Variants in CFAP57 observed in about 807,000 individuals in gnomAD.
CFAP57 encodes cilia and flagella associated protein 57.
In CFAP57, 116 loss-of-function variants were observed where a neutral mutation model predicts 146.8. That is an observed-to-expected ratio of 0.79 (90% confidence interval 0.68 to 0.92). CFAP57 has a LOEUF of 0.92. Ranked by LOEUF, CFAP57 falls within the 40% of genes least tolerant of loss-of-function variation. The probability of loss-of-function intolerance (pLI) is 0.00; values close to 1 mark genes in which losing one functional copy is unlikely to be tolerated. For missense variants in CFAP57, 1,377 were observed against 1,527.2 expected (o/e 0.90, Z 1.64); for synonymous variants, 518 against 552.8 (o/e 0.94, Z 0.88).
chr1:43,178,385 C>G (rs557580163), intron 2 of CFAP57, among the ~76,000 whole-genome samples: 4 of 152,138 alleles, frequency 2.6e-5, no homozygotes, highest in African/African-American at 4.8e-5. Flanking sequence ...TTGCAATCTA[C>G]TCATCTGACA....
chr1:43,251,818 C>T (rs778391260), intron 22 of CFAP57, among the ~76,000 whole-genome samples: 3 of 152,156 alleles, frequency 2.0e-5, no homozygotes, highest in African/African-American at 4.8e-5. Flanking sequence ...GCTAAATCCT[C>T]GTCTTTCATA....
Position 43,224,035 on chromosome 1 carries a change from C to T in CFAP57, c.2707-11C>T, listed in dbSNP as rs774318811. 2.3e-5 allele frequency: 35 copies of T among 1,549,952 alleles called. No individual in the cohort carries two copies. Among genetic ancestry groups the T allele is most frequent in the South Asian group, 1.9e-4 (16 of 83,976 alleles). ...TTTAGTGGTCTTTGTTGTTGCTGTT[C>T]GCTTTTCTAGTTCAGCAGCCTACAG... On this transcript the variant is annotated splice_polypyrimidine_tract_variant and intron_variant, in intron 16 of 22. Coordinates refer to ENST00000372492, the MANE Select transcript of CFAP57 (RefSeq NM_001378189.1).
chr1:43,197,249 C>T (rs1315601229), intron 6 of CFAP57, among the ~76,000 whole-genome samples: 9 of 152,086 alleles, frequency 5.9e-5, no homozygotes, highest in African/African-American at 1.4e-4. Flanking sequence ...CCCAGCTACT[C>T]GGGAGGCTGA....
chr1:43,188,619 T>G (rs1468051975), intron 6 of CFAP57, among the ~76,000 whole-genome samples: 1 of 152,232 alleles, frequency 6.6e-6, no homozygotes, highest in Non-Finnish European at 1.5e-5. Context: ...GAGTCATATG[T>G]CTTTTTATTA....
At chr1:43,223,856 C>T (rs1645143376) in intron 16 of CFAP57, among the ~76,000 whole-genome samples, 190 bp from the exon 17 acceptor site, 1 of 152,132 alleles carries the variant, frequency 6.6e-6, no homozygotes, top group Non-Finnish European at 1.5e-5. Context: ...TCCATTTGGC[C>T]TGGGAAATTC....
intron 22 of CFAP57, among the ~76,000 whole-genome samples, chr1:43,245,476 A>G (rs985043494): frequency 6.6e-6 from 1 of 152,132 alleles, no homozygotes; most frequent in Non-Finnish European, 1.5e-5. Flanking sequence ...GAGAAGTCTA[A>G]TCAATTCCTG....
chr1:43,243,128 C>T, intron 21 of CFAP57, 99 bp from the exon 22 acceptor site: 3 of 1,383,318 alleles, frequency 2.2e-6, no homozygotes, highest in Non-Finnish European at 2.9e-6. Context: ...CCAGACCTAA[C>T]CCTGCCCATT....
In CFAP57 at chr1:43,228,891, G is replaced by A. The variant is rs1433798756; in HGVS notation, c.3009+1765G>A. On this transcript the variant is annotated intron_variant, in intron 18 of 22. Transcript: ENST00000372492. ...GATGGCACCTGCTATGTGTCCTCAT[G>A]TGATGGGAGGGCAAAAGGGGGCAAA... 2.7e-5 allele frequency among the ~76,000 whole-genome samples: 4 copies of A among 149,124 alleles called. 1 individual carries two copies. The highest frequency in any genetic ancestry group is 5.0e-5 in the African/African-American group (2 of 39,954).
At chr1:43,213,365 C>T (rs1167605799) in intron 11 of CFAP57, among the ~76,000 whole-genome samples, 1 of 152,186 alleles carries the variant, frequency 6.6e-6, no homozygotes, top group East Asian at 1.9e-4. Flanking sequence ...CATGTTGCTG[C>T]AAAAACATGA....
intron 2 of CFAP57, chr1:43,177,256 G>A (rs1645209726): frequency 2.2e-6 from 1 of 455,222 alleles, no homozygotes; most frequent in Non-Finnish European, 4.4e-6. Flanking sequence ...AGGCGACAGG[G>A]TGGTGTGAAG....
At chr1:43,199,670 A>C (rs1369384802) in intron 9 of CFAP57, among the ~76,000 whole-genome samples, 167 bp downstream of exon 9, 2 of 152,242 alleles carry the variant, frequency 1.3e-5, no homozygotes, top group Admixed American at 6.5e-5. Context: ...TGTAGTTACT[A>C]ATTGCAGTTC....
intron 2 of CFAP57, among the ~76,000 whole-genome samples, chr1:43,175,645 G>A (rs200644522): frequency 1.3e-5 from 2 of 151,978 alleles, no homozygotes; most frequent in East Asian, 3.9e-4. Flanking sequence ...CTGAATAGCT[G>A]GGAATACAGG....
intron 18 of CFAP57, 48 bp downstream of exon 18, chr1:43,227,174 T>G: frequency 6.8e-7 from 1 of 1,461,632 alleles, no homozygotes; most frequent in African/African-American, 1.4e-5. Flanking sequence ...CTCTGTCTCT[T>G]CTTCCACAAT....
At chr1:43,213,336 C>T (rs763882060) in intron 11 of CFAP57, among the ~76,000 whole-genome samples, 30 of 152,342 alleles carry the variant, frequency 2.0e-4, no homozygotes, top group Admixed American at 9.8e-4. Flanking sequence ...CACTTAACTT[C>T]ACGACCTCCA....
At chr1:43,195,645 T>C (rs1472830122) in intron 6 of CFAP57, among the ~76,000 whole-genome samples, 1 of 152,200 alleles carries the variant, frequency 6.6e-6, no homozygotes, top group African/African-American at 2.4e-5. Context: ...AGTAGCTAGA[T>C]GCACACTGTA....
At chr1:43,204,640 GGTTGCCCATGA>G (rs1460936025) in intron 9 of CFAP57, among the ~76,000 whole-genome samples, 1 of 152,132 alleles carries the variant, frequency 6.6e-6, no homozygotes, top group Non-Finnish European at 1.5e-5. Flanking sequence ...GGCTACCTAG[GGTTGCCCATGA>G]GTTGCCTAAG....
At position 43,172,652 on chromosome 1, in the gene CFAP57, C is replaced by A. The variant is rs1419252098; in HGVS notation, c.-19-83C>A. ...GAGAGACAAGGGGAGGAGCAAAGGGCGGGGAGGGCGAGTCCGGGCCGGGGG... is the reference window on the plus strand; with the variant it reads ...GAGAGACAAGGGGAGGAGCAAAGGGAGGGGAGGGCGAGTCCGGGCCGGGGG... On this transcript the variant is annotated intron_variant, in intron 1 of 22. Coordinates refer to ENST00000372492, the MANE Select transcript of CFAP57 (RefSeq NM_001378189.1). 5 of 987,762 alleles carry A rather than the reference C, an allele frequency of 5.1e-6. No homozygotes were observed. The Admixed American group carries it at 8.2e-5, about 16-fold the overall frequency. The allele number at this position is 987,762 out of a possible 1,614,324, so 61.2% of individuals were successfully genotyped here.
At chr1:43,194,807 T>C (rs1352616521) in intron 6 of CFAP57, 1 of 152,226 alleles carries the variant, frequency 6.6e-6, no homozygotes, top group Non-Finnish European at 1.5e-5. Flanking sequence ...ATCCCTATAT[T>C]GATGGGATCC....
intron 15 of CFAP57, 31 bp from the exon 16 acceptor site, chr1:43,222,793 C>G: frequency 1.3e-6 from 2 of 1,510,258 alleles, no homozygotes; most frequent in South Asian, 2.6e-5. Context: ...TCCCTTCTCC[C>G]CTGACCACAC....
Sources: gnomAD v4.1 joint callset for allele counts (sites outside exome capture counted in the v4.1 genomes callset) on GRCh38, gnomAD v4.1.1 for gene constraint, MANE v1.5 for transcripts, NCBI Gene and HGNC (gene_info 2026-07-23, HGNC 2026-07-21) for gene names.